YJEFN3: variants seen among roughly 807,000 people sequenced by gnomAD.
The protein encoded by YJEFN3 is YjeF N-terminal domain containing 3.
Under a neutral mutation model 31.5 loss-of-function variants are expected in YJEFN3, and 29 were observed. The ratio of observed to expected loss-of-function variants is 0.92; its 90% CI spans 0.69 to 1.26. YJEFN3 has a LOEUF of 1.26. YJEFN3 is among the 50% of genes most tolerant of loss of function. The pLI is 0.00. For missense variants in YJEFN3, 442 were observed against 425.4 expected (o/e 1.04, Z -0.34); for synonymous variants, 227 against 196.1 (o/e 1.16, Z -1.32).
Position 19,529,238 on chromosome 19 carries a change from T to C in YJEFN3, c.60-126T>C, listed in dbSNP as rs906980418. ...CCTCCTGGCATCTTGCTGGAGACAC[T>C]AAGCTGCGTTGCTGGGGAAACTGCC... On this transcript the variant is annotated intron_variant, in intron 1 of 6. Transcript: ENST00000514277. 21 of 1,452,814 alleles carry C rather than the reference T, an allele frequency of 1.4e-5. No homozygotes were observed. In the South Asian group the frequency reaches 3.1e-4, roughly 21 times the overall value. The allele number at this position is 1,452,814 out of a possible 1,614,324, so 90.0% of individuals were successfully genotyped here. A position where few individuals can be genotyped will look rare whatever the true frequency, so the allele number is the denominator to read the frequency against.
intron 2 of YJEFN3, among the ~76,000 whole-genome samples, chr19:19,530,890 G>A (rs1386294317): frequency 2.0e-5 from 3 of 152,120 alleles, no homozygotes; most frequent in East Asian, 3.9e-4. Flanking sequence ...GTGGACCCCC[G>A]AAGTGTCCTC....
intron 2 of YJEFN3, among the ~76,000 whole-genome samples, chr19:19,531,069 T>C (rs1043060153): frequency 6.6e-6 from 1 of 152,198 alleles, no homozygotes; most frequent in Admixed American, 6.5e-5. Flanking sequence ...GTGCCAGGCC[T>C]CCTCCTCCAG....
At chr19:19,533,093 C>T in intron 3 of YJEFN3, 1 of 1,058,142 alleles carries the variant, frequency 9.5e-7, no homozygotes, top group South Asian at 4.1e-5. Flanking sequence ...CTAAACAACC[C>T]TGTTCTGCAG....
intron 3 of YJEFN3, chr19:19,533,240 G>A (rs1436389827): frequency 2.0e-6 from 2 of 988,694 alleles, no homozygotes; most frequent in Non-Finnish European, 2.4e-6. Flanking sequence ...TGACACAAGG[G>A]TGATAGCAAT....
At chr19:19,535,901 C>T in intron 6 of YJEFN3, 1 of 659,560 alleles carries the variant, frequency 1.5e-6, no homozygotes. Context: ...ACCCCAGTGC[C>T]CAGCCCACAT....
At position 19,537,530 on chromosome 19, in the gene YJEFN3, AC is replaced by A; in HGVS notation, c.*9del. 6.5e-7 allele frequency: 1 copy of A among 1,543,892 alleles called. No homozygotes were observed. Among genetic ancestry groups the A allele is most frequent in the Admixed American group, 1.8e-5 (1 of 54,940 alleles). ...ACTGCGTCGCGGCACTGTGACCGCC[AC>A]CCGCGGCCACACCGCAGGGACCCTC... On this transcript the variant is annotated 3_prime_UTR_variant, in exon 7 of 7. Transcript: ENST00000514277.
intron 2 of YJEFN3, among the ~76,000 whole-genome samples, chr19:19,531,607 C>T (rs950919058): frequency 6.6e-6 from 1 of 151,410 alleles, no homozygotes; most frequent in African/African-American, 2.4e-5. Flanking sequence ...GTAGGTCACC[C>T]GAATATTCAG....
Position 19,535,516 on chromosome 19 carries a change from C to T in YJEFN3, c.544-13C>T. The T allele has an allele frequency of 1.2e-6, 2 of 1,607,962 alleles. No homozygotes were observed. Among genetic ancestry groups the T allele is most frequent in the Non-Finnish European group, 1.7e-6 (2 of 1,176,006 alleles). Reference sequence around the variant, plus strand: ...TGGCCCTGGGCCACCCTGACCCTGCCTGCCTTCCCCAGGTGCAGCTCATTA... The same window carrying T: ...TGGCCCTGGGCCACCCTGACCCTGCTTGCCTTCCCCAGGTGCAGCTCATTA... On this transcript the variant is annotated splice_polypyrimidine_tract_variant and intron_variant, in intron 5 of 6. Coordinates refer to ENST00000514277, the MANE Select transcript of YJEFN3 (RefSeq NM_198537.4).
Position 19,534,357 on chromosome 19 carries a change from G to A in YJEFN3, c.319-677G>A, listed in dbSNP as rs1404472867. On this transcript the variant is annotated intron_variant, in intron 3 of 6. Transcript: ENST00000514277. The surrounding 1 kb of genome is among the most constrained non-coding windows in gnomAD (Gnocchi z 4.6). ...ACAGAGACAGCCAGAGACAGATGGA[G>A]AGAGACAGAGACACAAAGAGAGCCA... 1.0e-5 allele frequency: 2 copies of A among 199,620 alleles called. No individual in the cohort carries two copies. Among genetic ancestry groups the A allele is most frequent in the Non-Finnish European group, 1.8e-5 (2 of 111,388 alleles). 12.4% of individuals were successfully genotyped at this position (199,620 alleles called of 1,614,324 possible).
Position 19,534,759 on chromosome 19 carries a change from T to G in YJEFN3, c.319-275T>G, listed in dbSNP as rs1052690619. ...GAATGTCTGCAACTCAGGCGGAGAATAAACAAACCGCACTCCGGGCGACGG... is the reference window on the plus strand; with the variant it reads ...GAATGTCTGCAACTCAGGCGGAGAAGAAACAAACCGCACTCCGGGCGACGG... On this transcript the variant is annotated intron_variant, in intron 3 of 6. Coordinates refer to ENST00000514277, the MANE Select transcript of YJEFN3 (RefSeq NM_198537.4). The surrounding 1 kb of genome is among the most constrained non-coding windows in gnomAD (Gnocchi z 4.6). 6.0e-6 allele frequency: 2 copies of G among 330,830 alleles called. No individual in the cohort carries two copies. Among genetic ancestry groups the G allele is most frequent in the Non-Finnish European group, 1.1e-5 (2 of 181,620 alleles). 20.5% of individuals were successfully genotyped at this position (330,830 alleles called of 1,614,324 possible). A position where few individuals can be genotyped will look rare whatever the true frequency, so the allele number is the denominator to read the frequency against.
At chr19:19,533,808 C>T (rs892453503) in intron 3 of YJEFN3, 4 of 985,372 alleles carry the variant, frequency 4.1e-6, no homozygotes, top group South Asian at 4.7e-5. Context: ...AGTCACTACT[C>T]GCCTGGCGCT....
At chr19:19,529,623 C>A in intron 2 of YJEFN3, 110 bp downstream of exon 2, 1 of 1,430,754 alleles carries the variant, frequency 7.0e-7, no homozygotes, top group Non-Finnish European at 9.4e-7. Flanking sequence ...TCACTGTGAA[C>A]CAGATGCGTC....
At chr19:19,533,815 C>T (rs1022335758) in intron 3 of YJEFN3, 9 of 985,352 alleles carry the variant, frequency 9.1e-6, no homozygotes, top group Admixed American at 6.1e-5. Flanking sequence ...ACTCGCCTGG[C>T]GCTCAGTGGC....
At chr19:19,533,165 C>T (rs1286105069) in intron 3 of YJEFN3, 1 of 1,001,000 alleles carries the variant, frequency 1.0e-6, no homozygotes, top group Non-Finnish European at 1.2e-6. Context: ...GGGATGGAAG[C>T]AGAGCTGCAA....
intron 3 of YJEFN3, 58 bp downstream of exon 3, chr19:19,532,798 T>G (rs912158035): frequency 5.8e-6 from 8 of 1,376,124 alleles, no homozygotes; most frequent in Non-Finnish European, 7.9e-6. Context: ...TCTCCTGAGC[T>G]GCATGACTGC....
At chr19:19,529,050 C>T (rs2061127115) in intron 1 of YJEFN3, 59 bp downstream of exon 1, 8 of 1,542,428 alleles carry the variant, frequency 5.2e-6, no homozygotes, top group East Asian at 4.9e-5. Flanking sequence ...CAGGAGCAGC[C>T]CGTAGGACCG....
Position 19,534,998 on chromosome 19 carries a change from C to T in YJEFN3, c.319-36C>T, listed in dbSNP as rs1466586142. ...CTCTCCAGGCAAGGAGGAATCTGGA[C>T]TGTGCCTGTGCCTTTGCTGTGTCCC... On this transcript the variant is annotated intron_variant, in intron 3 of 6. Coordinates refer to ENST00000514277, the MANE Select transcript of YJEFN3 (RefSeq NM_198537.4). This position sits in a 1 kb window ranked among gnomAD's most constrained non-coding sequence, Gnocchi z 4.6. 9 of 1,524,110 alleles carry T rather than the reference C, an allele frequency of 5.9e-6. No individual in the cohort carries two copies. Among genetic ancestry groups the T allele is most frequent in the African/African-American group, 2.8e-5 (2 of 72,338 alleles). The allele number at this position is 1,524,110 out of a possible 1,614,324, so 94.4% of individuals were successfully genotyped here.
Position 19,534,593 on chromosome 19 carries a change from GAGAC to G in YJEFN3, c.319-439_319-436del, listed in dbSNP as rs2061189209. On this transcript the variant is annotated intron_variant, in intron 3 of 6. Transcript: ENST00000514277. The surrounding 1 kb of genome is among the most constrained non-coding windows in gnomAD (Gnocchi z 4.6). ...ACACGGAGAGTCTGAGAGATACAGA[GAGAC>G]ACAGAGACAGCCAGAGAGAGACAGA... 1.3e-5 allele frequency: 2 copies of G among 156,562 alleles called. No individual in the cohort carries two copies. Among genetic ancestry groups the G allele is most frequent in the African/African-American group, 4.8e-5 (2 of 41,428 alleles). The allele number at this position is 156,562 out of a possible 1,614,324, so 9.7% of individuals were successfully genotyped here. A position where few individuals can be genotyped will look rare whatever the true frequency, so the allele number is the denominator to read the frequency against.
chr19:19,537,455 T>C lies in YJEFN3; in HGVS notation c.831T>C (p.Asp277=). The stretch of plus-strand genomic sequence containing the variant: ...TCGTGGCCGGCAGGTTCGTGCCCGA[T>C]GACGTGCGCCGCAAGTTCGCTCTGC... ...HHFVAGRFVP[D]DVRRKFALRL... is the part of the protein sequence containing the mutation. Residue 277 remains aspartate, a synonymous_variant, in exon 7 of 7, where the codon GAT becomes GAC. Transcript: ENST00000514277. 6.3e-7 allele frequency: 1 copy of C among 1,587,684 alleles called. No homozygotes were observed. The highest frequency in any genetic ancestry group is 1.3e-5 in the African/African-American group (1 of 74,728).
Sources: gnomAD v4.1 joint callset for allele counts (sites outside exome capture counted in the v4.1 genomes callset) on GRCh38, gnomAD v4.1.1 for gene constraint, Gnocchi (gnomAD v3.1) non-coding constraint, MANE v1.5 for transcripts, NCBI Gene and HGNC (gene_info 2026-07-23, HGNC 2026-07-21) for gene names.